Variants in CD1E observed in about 807,000 individuals in gnomAD.
CD1E encodes CD1e molecule, also known as T-cell surface glycoprotein CD1e, membrane-associated.
Under a neutral mutation model 40.1 loss-of-function variants are expected in CD1E, and 49 were observed. The ratio of observed to expected loss-of-function variants is 1.22; its 90% CI spans 0.97 to 1.55. The LOEUF (loss-of-function observed/expected upper bound fraction) is 1.55, where lower values mean the gene tolerates loss of function less well. Ranked by LOEUF, CD1E falls within the 40% of genes most tolerant of loss-of-function variation. The pLI is 0.00. For missense variants in CD1E, 492 were observed against 471.3 expected (o/e 1.04, Z -0.41); for synonymous variants, 189 against 178.3 (o/e 1.06, Z -0.48).
In CD1E at chr1:158,357,072, A is replaced by G. The variant is rs369261045; in HGVS notation, c.*176A>G. ...TTTTTTTTTCCTGCTTTGGCTACAT[A>G]TCCATCATTGTTTATTTTTGAAACT... is the stretch of plus-strand genomic sequence containing the variant. On this transcript the variant is annotated 3_prime_UTR_variant, in exon 6 of 6. Coordinates refer to ENST00000368167, the MANE Select transcript of CD1E (RefSeq NM_030893.4). 3.4e-4 allele frequency: 196 copies of G among 573,496 alleles called. 3 individuals are homozygous for G. The highest frequency in any genetic ancestry group is 3.3e-3 in the African/African-American group (179 of 53,442). 35.5% of individuals were successfully genotyped at this position (573,496 alleles called of 1,614,324 possible).
chr1:158,356,082 G>T lies in CD1E; in HGVS notation c.881G>T (p.Gly294Val), dbSNP rs780664395. The T allele has an allele frequency of 6.2e-7, 1 of 1,613,764 alleles. No individual in the cohort carries two copies. Among genetic ancestry groups the T allele is most frequent in the Non-Finnish European group, 8.5e-7 (1 of 1,179,788 alleles). ...CGGGTGAAACACAGCAGTCTAGGGG[G>T]CCATGATCTAATCATCCATTGGGGT... ...SCRVKHSSLGGHDLIIHWGGY... is the reference protein window; with the variant it reads ...SCRVKHSSLGVHDLIIHWGGY... Residue 294 changes from glycine (G) to valine (V), a missense_variant, in exon 4 of 6, where the codon GGC becomes GTC. By Grantham distance (109) the Gly-to-Val change is moderately radical. Transcript: ENST00000368167.
intron 1 of CD1E, 106 bp from the exon 2 acceptor site, chr1:158,354,271 T>C: frequency 8.8e-7 from 1 of 1,135,150 alleles, no homozygotes; most frequent in East Asian, 2.4e-5. Flanking sequence ...TTGGAGTATG[T>C]ACAAGCTACC....
At position 158,355,822 on chromosome 1, in the gene CD1E, C is replaced by T. The variant is rs770918517; in HGVS notation, c.626-5C>T. Reference sequence around the variant, plus strand: ...TCCATTTTTTTTCTATCTTCTTCTTCCTAGTGAAGCCAGAGGCCTGGCTGT... The same window carrying T: ...TCCATTTTTTTTCTATCTTCTTCTTTCTAGTGAAGCCAGAGGCCTGGCTGT... On this transcript the variant is annotated splice_polypyrimidine_tract_variant and splice_region_variant and intron_variant, in intron 3 of 5. Transcript: ENST00000368167. The T allele has an allele frequency of 1.9e-6, 3 of 1,605,176 alleles. No individual in the cohort carries two copies. The African/African-American group carries it at 4.0e-5, about 22-fold the overall frequency.
At chr1:158,356,171 C>A in intron 4 of CD1E, 66 bp downstream of exon 4, 1 of 1,566,014 alleles carries the variant, frequency 6.4e-7, no homozygotes. Flanking sequence ...GAGTGTGGGG[C>A]TGAGGAAATG....
chr1:158,357,076 A>G lies in CD1E; in HGVS notation c.*180A>G, dbSNP rs910584007. Reference sequence around the variant, plus strand: ...TTTTTCCTGCTTTGGCTACATATCCATCATTGTTTATTTTTGAAACTATAA... The same window carrying G: ...TTTTTCCTGCTTTGGCTACATATCCGTCATTGTTTATTTTTGAAACTATAA... On this transcript the variant is annotated 3_prime_UTR_variant, in exon 6 of 6. Transcript: ENST00000368167. The G allele has an allele frequency of 5.3e-5, 30 of 564,106 alleles. No individual in the cohort carries two copies. The highest frequency in any genetic ancestry group is 7.5e-5 in the Non-Finnish European group (24 of 318,426). The allele number at this position is 564,106 out of a possible 1,614,324, so 34.9% of individuals were successfully genotyped here. A position where few individuals can be genotyped will look rare whatever the true frequency, so the allele number is the denominator to read the frequency against.
rs753516066 is a variant in CD1E at position 158,354,013 on chromosome 1, G to A, written c.25G>A (p.Glu9Lys). The A allele has an allele frequency of 1.7e-5, 27 of 1,613,970 alleles. No individual in the cohort carries two copies. The highest frequency in any genetic ancestry group is 6.7e-5 in the Admixed American group (4 of 60,012). ...AATGCTGCTCCTGTTCCTCCTCTTC[G>A]AGGGTCTCTGCTGTCCTGGGGAAAA... MLLLFLLF[E>K]GLCCPGENTA... is the part of the protein sequence containing the mutation. Residue 9 changes from glutamate (E) to lysine (K), a missense_variant, in exon 1 of 6, where the codon GAG (glutamate) becomes AAG (lysine). Glu to Lys is a moderately conservative substitution (Grantham distance 56). Coordinates refer to ENST00000368167, the MANE Select transcript of CD1E (RefSeq NM_030893.4).
At position 158,356,866 on chromosome 1, in the gene CD1E, G is replaced by A. The variant is rs1450940923; in HGVS notation, c.1137G>A (p.Lys379=). 4 of 1,613,868 alleles carry A rather than the reference G, an allele frequency of 2.5e-6. No homozygotes were observed. In the African/African-American group the frequency reaches 4.0e-5, roughly 16 times the overall value. The stretch of plus-strand genomic sequence containing the variant: ...GGATCAAAAACAGAGTATTGAAGAA[G>A]TGGAAGACACGCCTAAACCAACTCT... ...VSWIKNRVLK[K]WKTRLNQLW The change falls in exon 6 of 6, where the codon AAG becomes AAA. Residue 379 remains lysine (K), a synonymous_variant. Transcript: ENST00000368167.
At chr1:158,354,074 C>T in intron 1 of CD1E, 28 bp downstream of exon 1, 2 of 1,598,076 alleles carry the variant, frequency 1.3e-6, no homozygotes, top group Non-Finnish European at 1.7e-6. Flanking sequence ...GGAAAGATAC[C>T]TATGGTAGGG....
chr1:158,354,470 C>T lies in CD1E; in HGVS notation c.152C>T (p.Ala51Val). The change falls in exon 2 of 6, where the codon GCA (alanine) becomes GTA (valine). Residue 51 changes from alanine (A) to valine (V), a missense_variant. Physicochemically the swap from Ala to Val is moderately conservative, Grantham distance 64. Transcript: ENST00000368167. ...TCCTCCTTTGCCAACCACAGCTGGG[C>T]ACACAGTGAGGGCTCAGGATGGCTG... ...QTSSFANHSW[A>V]HSEGSGWLGD... 6.2e-7 allele frequency: 1 copy of T among 1,614,134 alleles called. No homozygotes were observed. Among genetic ancestry groups the T allele is most frequent in the Non-Finnish European group, 8.5e-7 (1 of 1,180,012 alleles).
intron 4 of CD1E, 22 bp downstream of exon 4, chr1:158,356,127 G>A: frequency 6.2e-7 from 1 of 1,612,494 alleles, no homozygotes; most frequent in South Asian, 1.1e-5. Flanking sequence ...CTGAGGCTCT[G>A]CTGGGAAATA....
chr1:158,355,928 A>T lies in CD1E; in HGVS notation c.727A>T (p.Met243Leu), dbSNP rs1653598965. ...SGFYPKPVWV[M>L]WMRGEQEQRG... ...ATTCTACCCAAAGCCCGTGTGGGTGATGTGGATGCGGGGTGAGCAGGAGCA... is the reference window on the plus strand; with the variant it reads ...ATTCTACCCAAAGCCCGTGTGGGTGTTGTGGATGCGGGGTGAGCAGGAGCA... The change falls in exon 4 of 6, where the codon ATG (methionine) becomes TTG (leucine). Residue 243 changes from methionine (M) to leucine (L), a missense_variant. Coordinates refer to ENST00000368167, the MANE Select transcript of CD1E (RefSeq NM_030893.4). The T allele has an allele frequency of 3.7e-6, 6 of 1,614,010 alleles. No homozygotes were observed. Among genetic ancestry groups the T allele is most frequent in the Non-Finnish European group, 5.1e-6 (6 of 1,180,008 alleles).
intron 1 of CD1E, 77 bp downstream of exon 1, chr1:158,354,123 G>C: frequency 7.7e-7 from 1 of 1,293,700 alleles, no homozygotes; most frequent in Non-Finnish European, 1.1e-6. Context: ...GAGGTCCTGG[G>C]GGAAGGGAGC....
Position 158,356,931 on chromosome 1 carries a change from G to C in CD1E, c.*35G>C. On this transcript the variant is annotated 3_prime_UTR_variant, in exon 6 of 6. Coordinates refer to ENST00000368167, the MANE Select transcript of CD1E (RefSeq NM_030893.4). ...TACCTTATACATAAAATCCTTGTCT[G>C]CATCTTCTTAAACACCGTCCATGTC... 6.3e-7 allele frequency: 1 copy of C among 1,579,918 alleles called. No individual in the cohort carries two copies. The highest frequency in any genetic ancestry group is 8.7e-7 in the Non-Finnish European group (1 of 1,149,782).
At chr1:158,355,785 G>T (rs1653565562) in intron 3 of CD1E, 42 bp from the exon 4 acceptor site, 2 of 1,571,684 alleles carry the variant, frequency 1.3e-6, no homozygotes, top group South Asian at 1.2e-5. Flanking sequence ...GGCCTGGGGT[G>T]CCCTTCAAAA....
Position 158,354,573 on chromosome 1 carries a change from C to G in CD1E, c.255C>G (p.Phe85Leu). 6.2e-7 allele frequency: 1 copy of G among 1,614,174 alleles called. No individual in the cohort carries two copies. Among genetic ancestry groups the G allele is most frequent in the Non-Finnish European group, 8.5e-7 (1 of 1,180,046 alleles). Reference sequence around the variant, plus strand: ...TGAAGCCCTGGTCCCATGGAAACTTCAGCAAGCAGGAGCTGAAAAACTTAC... The same window carrying G: ...TGAAGCCCTGGTCCCATGGAAACTTGAGCAAGCAGGAGCTGAAAAACTTAC... ...RFLKPWSHGNFSKQELKNLQS... is the reference protein window; with the variant it reads ...RFLKPWSHGNLSKQELKNLQS... Residue 85 changes from phenylalanine to leucine, a missense_variant, in exon 2 of 6, where the codon TTC (phenylalanine) becomes TTG (leucine). Physicochemically the swap from Phe to Leu is conservative, Grantham distance 22 (BLOSUM62 0). Transcript: ENST00000368167.
Position 158,355,945 on chromosome 1 carries a change from G to A in CD1E, c.744G>A (p.Glu248=). ...TGTGGGTGATGTGGATGCGGGGTGA[G>A]CAGGAGCAGCGGGGCACTCAGCGAG... is the stretch of plus-strand genomic sequence containing the variant. ...KPVWVMWMRG[E]QEQRGTQRGD... The change falls in exon 4 of 6, where the codon GAG becomes GAA. Residue 248 remains glutamate, a synonymous_variant. Transcript: ENST00000368167. 1 of 1,614,150 alleles carries A rather than the reference G, an allele frequency of 6.2e-7. No homozygotes were observed. The highest frequency in any genetic ancestry group is 8.5e-7 in the Non-Finnish European group (1 of 1,180,034).
intron 1 of CD1E, 142 bp downstream of exon 1, chr1:158,354,188 G>T: frequency 3.3e-6 from 3 of 916,916 alleles, no homozygotes; most frequent in South Asian, 1.6e-5. Flanking sequence ...TCCAGGCAGA[G>T]AATTCTTGCT....
At position 158,356,579 on chromosome 1, in the gene CD1E, T is replaced by TA. The variant is rs866136574; in HGVS notation, c.993dup (p.Gln332ThrfsTer5). 4.3e-6 allele frequency: 7 copies of TA among 1,613,078 alleles called. No individual in the cohort carries two copies. In the East Asian group the frequency reaches 6.7e-5, roughly 15 times the overall value. On this transcript the variant is annotated frameshift_variant, in exon 5 of 6. Transcript: ENST00000368167. LOFTEE classifies it low-confidence loss of function (END_TRUNC). Reference sequence around the variant, plus strand: ...ATATTGGTTGTAGTTGACTCACGGTTAAAAAAACAGAGGTGAGCTTTTTCT... The same window carrying TA: ...ATATTGGTTGTAGTTGACTCACGGTTAAAAAAAACAGAGGTGAGCTTTTTCT...
At chr1:158,354,737 ATAGTATATAGAC>A (rs1365700357) in intron 2 of CD1E, 64 bp downstream of exon 2, 20 of 1,382,900 alleles carry the variant, frequency 1.4e-5, no homozygotes, top group Non-Finnish European at 2.0e-5. Context: ...AAAGTGGAAG[ATAGTATATAGAC>A]TCTGACCATC....
Sources: gnomAD v4.1 joint callset for allele counts on GRCh38, gnomAD v4.1.1 for gene constraint, MANE v1.5 for transcripts, NCBI Gene and HGNC (gene_info 2026-07-23, HGNC 2026-07-21) for gene names.